BRINP3: variants seen among roughly 807,000 people sequenced by gnomAD.
BRINP3 encodes BMP/retinoic acid inducible neural specific 3, also known as BMP/retinoic acid-inducible neural-specific protein 3.
In BRINP3, 19 loss-of-function variants were observed where a neutral mutation model predicts 71.0. The ratio of observed to expected loss-of-function variants is 0.27; its 90% confidence interval spans 0.19 to 0.39. BRINP3 has a LOEUF of 0.39. Among genes scored for constraint, BRINP3 ranks in the 10% least tolerant of loss-of-function variants. The probability of loss-of-function intolerance (pLI) is 1.00; values close to 1 mark genes in which losing one functional copy is unlikely to be tolerated. For synonymous variants in BRINP3, 380 were observed against 337.7 expected (o/e 1.13, Z -1.37); for missense variants, 959 against 940.8 (o/e 1.02, Z -0.25).
Position 190,432,599 on chromosome 1 carries a change from A to G in BRINP3, c.236+22056T>C, listed in dbSNP as rs754567192. Among the ~76,000 whole-genome samples, 112 of 152,326 alleles carry G rather than the reference A, an allele frequency of 7.4e-4. 1 individual carries two copies. In the Middle Eastern group the frequency reaches 0.01, roughly 14 times the overall value. On this transcript the variant is annotated intron_variant, in intron 2 of 7. Coordinates refer to ENST00000367462, the MANE Select transcript of BRINP3 (RefSeq NM_199051.3). ...TCGGGGCTGATACTTTTTGAACAAG[A>G]TAAGAACTCTCTGCTTTTGCCTATC...
intron 4 of BRINP3, among the ~76,000 whole-genome samples, chr1:190,236,012 T>C (rs1300895966): frequency 6.6e-6 from 1 of 151,878 alleles, no homozygotes; most frequent in Non-Finnish European, 1.5e-5. Context: ...TGAGGGGTAT[T>C]GATTAAGAGA....
chr1:190,215,043 C>G (rs959778231), intron 6 of BRINP3, among the ~76,000 whole-genome samples: 2 of 146,994 alleles, frequency 1.4e-5, no homozygotes, highest in African/African-American at 5.0e-5. Context: ...TAAGTATGTT[C>G]TTCTTTTCCA....
At chr1:190,471,079 A>G (rs919202362) in intron 1 of BRINP3, among the ~76,000 whole-genome samples, 3 of 151,282 alleles carry the variant, frequency 2.0e-5, no homozygotes, top group African/African-American at 7.2e-5. Flanking sequence ...GTAATTGGAT[A>G]CAAATATTCT....
intron 6 of BRINP3, among the ~76,000 whole-genome samples, chr1:190,169,645 T>C (rs975852541): frequency 1.3e-5 from 2 of 152,178 alleles, no homozygotes; most frequent in Admixed American, 1.3e-4. Flanking sequence ...GAATGTCTAC[T>C]GTGTACCAAT....
At chr1:190,209,876 T>C (rs1655831233) in intron 6 of BRINP3, among the ~76,000 whole-genome samples, 1 of 152,140 alleles carries the variant, frequency 6.6e-6, no homozygotes, top group East Asian at 1.9e-4. Flanking sequence ...CCTATAAGAA[T>C]AGTCCACTTG....
chr1:190,429,583 T>C (rs920575759), intron 2 of BRINP3, among the ~76,000 whole-genome samples: 4 of 151,132 alleles, frequency 2.6e-5, no homozygotes, highest in Non-Finnish European at 5.9e-5. Context: ...AATTACATCT[T>C]TCTTTCTTCC....
intron 2 of BRINP3, among the ~76,000 whole-genome samples, chr1:190,334,087 C>A (rs1185547138): frequency 6.6e-6 from 1 of 151,770 alleles, no homozygotes; most frequent in African/African-American, 2.4e-5. Flanking sequence ...AGAATCAGAT[C>A]TTTAGTTAAA....
chr1:190,337,595 G>C (rs968909411), intron 2 of BRINP3, among the ~76,000 whole-genome samples: 1 of 151,922 alleles, frequency 6.6e-6, no homozygotes. Flanking sequence ...TTCAGCTTTT[G>C]GACTCTTAAA....
intron 6 of BRINP3, among the ~76,000 whole-genome samples, chr1:190,225,432 A>G (rs1025896992): frequency 4.6e-5 from 7 of 151,970 alleles, no homozygotes; most frequent in African/African-American, 1.7e-4. Context: ...TAAAAAAAGT[A>G]GAACTCATGA....
At chr1:190,177,325 G>A (rs1057514462) in intron 6 of BRINP3, among the ~76,000 whole-genome samples, 1 of 133,524 alleles carries the variant, frequency 7.5e-6, no homozygotes, top group Non-Finnish European at 1.5e-5. Context: ...ACCATGCCTG[G>A]ATAATTTTTT....
intron 2 of BRINP3, among the ~76,000 whole-genome samples, chr1:190,386,169 A>G (rs939463707): frequency 1.3e-5 from 2 of 149,962 alleles, no homozygotes; most frequent in African/African-American, 2.4e-5. Flanking sequence ...AGCATGGCAC[A>G]TGTATACATA....
chr1:190,437,827 G>C (rs1376202630), intron 2 of BRINP3, among the ~76,000 whole-genome samples: 1 of 151,752 alleles, frequency 6.6e-6, no homozygotes, highest in East Asian at 1.9e-4. Flanking sequence ...TTACTTTTAT[G>C]TTAAGAGACT....
intron 6 of BRINP3, among the ~76,000 whole-genome samples, chr1:190,175,616 A>C (rs936091366): frequency 6.6e-6 from 1 of 152,188 alleles, no homozygotes; most frequent in African/African-American, 2.4e-5. Context: ...ATGATTCTTA[A>C]TATATTAAAA....
intron 6 of BRINP3, among the ~76,000 whole-genome samples, chr1:190,220,443 T>G (rs1184234813): frequency 6.6e-6 from 1 of 152,076 alleles, no homozygotes; most frequent in East Asian, 1.9e-4. Flanking sequence ...CTAATGTTGG[T>G]GACGGGTTGA....
intron 4 of BRINP3, among the ~76,000 whole-genome samples, chr1:190,245,821 C>T (rs182784248): frequency 6.9e-6 from 1 of 144,280 alleles, no homozygotes; most frequent in Non-Finnish European, 1.5e-5. Flanking sequence ...TCTCAATGCT[C>T]AGTTCCCACC....
In BRINP3 at chr1:190,225,244, T is replaced by C. The variant is rs1321608694; in HGVS notation, c.961+838A>G. Among the ~76,000 whole-genome samples the C allele has an allele frequency of 3.9e-5, 6 of 151,956 alleles. No individual in the cohort carries two copies. The East Asian group carries it at 7.7e-4, about 20-fold the overall frequency. ...ATTTAACTGCCCATCAGTGGATGAATAGATTAAGAGAATGTGTTATATATA... is the reference window on the plus strand; with the variant it reads ...ATTTAACTGCCCATCAGTGGATGAACAGATTAAGAGAATGTGTTATATATA... On this transcript the variant is annotated intron_variant, in intron 6 of 7. Transcript: ENST00000367462.
chr1:190,154,143 T>C (rs1656662221), intron 7 of BRINP3: 2 of 811,340 alleles, frequency 2.5e-6, no homozygotes, highest in South Asian at 1.1e-4. Context: ...TGACACATAT[T>C]CTTCTTCCCT....
chr1:190,345,701 G>A (rs1158822564), intron 2 of BRINP3, among the ~76,000 whole-genome samples: 3 of 115,904 alleles, frequency 2.6e-5, no homozygotes, highest in African/African-American at 1.0e-4. Context: ...CAACCAAATA[G>A]CCATTTACCT....
chr1:190,218,482 G>A (rs1656596365), intron 6 of BRINP3, among the ~76,000 whole-genome samples: 1 of 151,876 alleles, frequency 6.6e-6, no homozygotes, highest in Non-Finnish European at 1.5e-5. Context: ...CATTTATGAG[G>A]TAACACTGGA....
Sources: allele counts gnomAD v4.1 joint callset (sites outside exome capture counted in the v4.1 genomes callset), GRCh38; gene constraint gnomAD v4.1.1; transcripts MANE v1.5; gene names NCBI Gene and HGNC (gene_info 2026-07-23, HGNC 2026-07-21).